KLF12: variants seen among roughly 807,000 people sequenced by gnomAD.
KLF12 encodes the protein KLF transcription factor 12, also known as Krueppel-like factor 12.
A neutral mutation model predicts 37.8 loss-of-function variants in KLF12; 9 were observed. The ratio of observed to expected loss-of-function variants is 0.24; its 90% CI spans 0.14 to 0.42. The LOEUF (loss-of-function observed/expected upper bound fraction) is 0.42. Ranked by LOEUF, KLF12 falls within the 10% of genes least tolerant of loss-of-function variation. KLF12 has a pLI of 1.00. For synonymous variants in KLF12, 208 were observed against 202.1 expected (o/e 1.03, Z -0.25); for missense variants, 411 against 516.0 (o/e 0.80, Z 1.97).
At chr13:74,267,130 T>C in the KLF12 span, among the ~76,000 whole-genome samples, 1 of 152,192 alleles carries the variant, frequency 6.6e-6, no homozygotes, top group Non-Finnish European at 1.5e-5. Context: ...TAGTGAAAAC[T>C]ACTGTGTTGG....
chr13:74,224,363 C>T, the KLF12 span, among the ~76,000 whole-genome samples: 1 of 152,060 alleles, frequency 6.6e-6, no homozygotes, highest in Non-Finnish European at 1.5e-5. Flanking sequence ...TTTCTTACAC[C>T]CAGGCTGGTG....
intron 6 of KLF12, among the ~76,000 whole-genome samples, chr13:73,747,579 T>A (rs190803158): frequency 6.6e-6 from 1 of 152,218 alleles, no homozygotes; most frequent in Admixed American, 6.5e-5. Context: ...GTCATGGCTG[T>A]ACATAAATGA....
chr13:73,943,922 T>G, intron 3 of KLF12, 59 bp downstream of exon 3: 1 of 1,031,032 alleles, frequency 9.7e-7, no homozygotes. Flanking sequence ...CAGGATGCTC[T>G]GCAGAAGAAT....
rs552195885 is a variant in KLF12 at position 73,843,638 on chromosome 13, C to G, written c.670+2189G>C. Among the ~76,000 whole-genome samples, 11 of 152,172 alleles carry G rather than the reference C, an allele frequency of 7.2e-5. No individual in the cohort carries two copies. In the South Asian group the frequency reaches 2.3e-3, roughly 32 times the overall value. ...TTATGTTCCTAATCTTCCCAATAAT[C>G]TTCTAGGCTAGATCATGTTATTATC... On this transcript the variant is annotated intron_variant, in intron 4 of 7. Transcript: ENST00000377669.
chr13:74,018,418 T>A (rs2138409004), intron 1 of KLF12, among the ~76,000 whole-genome samples: 1 of 152,310 alleles, frequency 6.6e-6, no homozygotes, highest in African/African-American at 2.4e-5. Context: ...TATACTGTAT[T>A]CTTGAAAAAT....
the KLF12 span, among the ~76,000 whole-genome samples, chr13:74,154,435 C>T: frequency 6.6e-6 from 1 of 152,048 alleles, no homozygotes; most frequent in East Asian, 1.9e-4. Flanking sequence ...ATACAATTTG[C>T]CTCCCAGAAT....
At chr13:74,089,803 GAAAAA>G (rs35244601) in intron 1 of KLF12, among the ~76,000 whole-genome samples, 77 of 117,786 alleles carry the variant, frequency 6.5e-4, no homozygotes, top group Middle Eastern at 4.4e-3. Context: ...CATGCAGGGG[GAAAAA>G]AAAAAAAAAA....
intron 2 of KLF12, among the ~76,000 whole-genome samples, chr13:73,958,702 T>A (rs573794222): frequency 2.0e-5 from 3 of 152,298 alleles, no homozygotes; most frequent in African/African-American, 7.2e-5. Flanking sequence ...TCACACTGAA[T>A]TGGTACCATG....
At chr13:74,003,796 A>G (rs1415837157) in intron 1 of KLF12, among the ~76,000 whole-genome samples, 1 of 152,196 alleles carries the variant, frequency 6.6e-6, no homozygotes, top group East Asian at 1.9e-4. Context: ...CAGAAGATAA[A>G]ATCCTGAAGA....
intron 2 of KLF12, among the ~76,000 whole-genome samples, chr13:73,948,559 G>A (rs1274382521): frequency 6.6e-6 from 1 of 152,148 alleles, no homozygotes; most frequent in Non-Finnish European, 1.5e-5. Context: ...GTGCCAACTG[G>A]TTAAAAGTAA....
intron 5 of KLF12, among the ~76,000 whole-genome samples, chr13:73,810,232 G>A (rs561856289): frequency 5.3e-5 from 8 of 151,864 alleles, no homozygotes; most frequent in South Asian, 4.2e-4. Flanking sequence ...GTGACAGAGC[G>A]AGACGCCATC....
chr13:73,826,550 T>C (rs544529401), intron 4 of KLF12, among the ~76,000 whole-genome samples: 2 of 152,264 alleles, frequency 1.3e-5, no homozygotes, highest in East Asian at 3.9e-4. Flanking sequence ...ATCTAAACAT[T>C]TCGTGGTATT....
chr13:73,947,143 A>G (rs1230280899), intron 2 of KLF12, among the ~76,000 whole-genome samples: 1 of 152,194 alleles, frequency 6.6e-6, no homozygotes, highest in South Asian at 2.1e-4. Flanking sequence ...TACAGTTATC[A>G]ATTTTAGTAA....
the KLF12 span, among the ~76,000 whole-genome samples, chr13:74,275,806 CCTTCTTTCTTTCT>C: frequency 1.6e-3 from 124 of 79,552 alleles, no homozygotes; most frequent in African/African-American, 4.9e-3. Flanking sequence ...TTCTTTCTTT[CCTTCTTTCTTTCT>C]TTCTTTCTTT....
intron 3 of KLF12, among the ~76,000 whole-genome samples, chr13:73,884,798 CCA>C (rs747109986): frequency 1.1e-4 from 17 of 152,188 alleles, no homozygotes; most frequent in Non-Finnish European, 2.5e-4. Flanking sequence ...ACAATACTGG[CCA>C]CAGAGAATTA....
At chr13:73,780,471 G>GTTT (rs58306980) in intron 5 of KLF12, among the ~76,000 whole-genome samples, 1 of 145,372 alleles carries the variant, frequency 6.9e-6, no homozygotes, top group Non-Finnish European at 1.5e-5. Flanking sequence ...CCAAGGAATG[G>GTTT]TTTTTTTTTT....
At chr13:73,826,195 T>G (rs957952237) in intron 4 of KLF12, among the ~76,000 whole-genome samples, 1 of 151,892 alleles carries the variant, frequency 6.6e-6, no homozygotes, top group Non-Finnish European at 1.5e-5. Context: ...GGATTGTCTC[T>G]ATCTCCTGAC....
the KLF12 span, among the ~76,000 whole-genome samples, chr13:74,216,439 G>A: frequency 2.0e-5 from 3 of 152,070 alleles, no homozygotes; most frequent in Non-Finnish European, 2.9e-5. Flanking sequence ...GGAGAGCACC[G>A]CCCATAGAGA....
intron 5 of KLF12, among the ~76,000 whole-genome samples, chr13:73,807,916 G>A (rs956195114): frequency 6.6e-6 from 1 of 152,116 alleles, no homozygotes; most frequent in Non-Finnish European, 1.5e-5. Context: ...GTCGAGTTTG[G>A]TGGAACTTGA....
Sources: gnomAD v4.1 joint callset for allele counts (sites outside exome capture counted in the v4.1 genomes callset) on GRCh38, gnomAD v4.1.1 for gene constraint, MANE v1.5 for transcripts, NCBI Gene and HGNC (gene_info 2026-07-23, HGNC 2026-07-21) for gene names.